Variants in CNTN1 observed in about 807,000 individuals in gnomAD.
The protein encoded by CNTN1 is contactin-1.
Under a neutral mutation model 126.4 loss-of-function variants are expected in CNTN1, and 38 were observed. That is an observed-to-expected ratio of 0.30 (90% CI 0.23 to 0.39). The LOEUF (loss-of-function observed/expected upper bound fraction) is 0.39. CNTN1 is among the 10% of genes least tolerant of loss of function. The pLI is 1.00. For synonymous variants in CNTN1, 413 were observed against 422.6 expected (o/e 0.98, Z 0.28); for missense variants, 1,009 against 1,248.4 (o/e 0.81, Z 2.89).
At chr12:41,010,510 G>T (rs1209712674) in intron 17 of CNTN1, among the ~76,000 whole-genome samples, 1 of 152,012 alleles carries the variant, frequency 6.6e-6, no homozygotes, top group Non-Finnish European at 1.5e-5. Flanking sequence ...CCTCCTCCTG[G>T]TCCCTATTAT....
chr12:40,929,717 C>T, intron 6 of CNTN1, 79 bp from the exon 7 acceptor site: 1 of 1,052,106 alleles, frequency 9.5e-7, no homozygotes, highest in Non-Finnish European at 1.4e-6. Flanking sequence ...TAAGTGATAG[C>T]TTGTTACTAG....
intron 18 of CNTN1, among the ~76,000 whole-genome samples, chr12:41,015,045 T>C (rs772666070): frequency 9.9e-5 from 15 of 152,212 alleles, no homozygotes; most frequent in Non-Finnish European, 2.1e-4. Context: ...CAAAGGATTT[T>C]GAAGACTGTG....
chr12:40,697,864 A>G (rs1941489360), intron 1 of CNTN1, among the ~76,000 whole-genome samples: 1 of 152,208 alleles, frequency 6.6e-6, no homozygotes, highest in Non-Finnish European at 1.5e-5. Context: ...ACAGGGCAGA[A>G]TGCACTATGG....
At chr12:41,030,557 A>G (rs1949126460) in intron 23 of CNTN1, among the ~76,000 whole-genome samples, 1 of 152,138 alleles carries the variant, frequency 6.6e-6, no homozygotes, top group Non-Finnish European at 1.5e-5. Flanking sequence ...ATATAATTTC[A>G]TGTTTCAGCT....
rs1304140380 is a variant in CNTN1 at position 40,737,359 on chromosome 12, G to GTGTATATATA, written c.-77+44768_-77+44769insGTATATATAT. Among the ~76,000 whole-genome samples the GTGTATATATA allele has an allele frequency of 2.8e-3, 313 of 113,262 alleles. 3 individuals carry two copies. The highest frequency in any genetic ancestry group is 9.7e-3 in the African/African-American group (289 of 29,752). The allele number at this position is 113,262 out of a possible 152,430, so 74.3% of individuals were successfully genotyped here. A position where few individuals can be genotyped will look rare whatever the true frequency, so the allele number is the denominator to read the frequency against. ...TGTGTGTGTGTATATATGTGTGTGT[G>GTGTATATATA]TATATATATATATATATATATATGA... is the stretch of plus-strand genomic sequence containing the variant. On this transcript the variant is annotated intron_variant, in intron 1 of 23. Transcript: ENST00000551295.
intron 17 of CNTN1, among the ~76,000 whole-genome samples, chr12:41,012,697 T>C (rs1948690511): frequency 6.6e-6 from 1 of 152,198 alleles, no homozygotes; most frequent in Admixed American, 6.5e-5. Context: ...CCAAGTCTTA[T>C]ATGGCTGGCA....
At chr12:40,921,891 A>G (rs1945455115) in intron 4 of CNTN1, among the ~76,000 whole-genome samples, 1 of 152,190 alleles carries the variant, frequency 6.6e-6, no homozygotes, top group Non-Finnish European at 1.5e-5. Context: ...TGCTTTTAAT[A>G]CTTTATACAG....
At chr12:41,062,907 C>T (rs1949966578) in intron 23 of CNTN1, among the ~76,000 whole-genome samples, 1 of 152,134 alleles carries the variant, frequency 6.6e-6, no homozygotes, top group Admixed American at 6.5e-5. Flanking sequence ...AAACACAATT[C>T]AGTAATTTGC....
chr12:40,806,767 A>G (rs1940874506), intron 1 of CNTN1, among the ~76,000 whole-genome samples: 1 of 152,052 alleles, frequency 6.6e-6, no homozygotes, highest in Non-Finnish European at 1.5e-5. Flanking sequence ...CTAGTGTGGC[A>G]CTTCTTTCTC....
chr12:40,911,580 A>T (rs901993531), intron 3 of CNTN1, among the ~76,000 whole-genome samples: 1 of 152,218 alleles, frequency 6.6e-6, no homozygotes, highest in African/African-American at 2.4e-5. Flanking sequence ...CGAGCACTCA[A>T]CAAAAACTGC....
chr12:40,707,091 C>T (rs1040524638), intron 1 of CNTN1, among the ~76,000 whole-genome samples: 1 of 149,392 alleles, frequency 6.7e-6, no homozygotes, highest in Non-Finnish European at 1.5e-5. Flanking sequence ...CACACACACC[C>T]CTGCTCAGAT....
intron 1 of CNTN1, among the ~76,000 whole-genome samples, chr12:40,703,910 A>C (rs1472262274): frequency 6.6e-6 from 1 of 152,198 alleles, no homozygotes; most frequent in Non-Finnish European, 1.5e-5. Flanking sequence ...AGAGTCTTCT[A>C]AACTAAGTGT....
At chr12:40,995,686 C>G (rs773072671) in intron 17 of CNTN1, among the ~76,000 whole-genome samples, 18 of 152,110 alleles carry the variant, frequency 1.2e-4, no homozygotes, top group Admixed American at 2.6e-4. Flanking sequence ...GCAAACACAC[C>G]TATTCACAGA....
intron 1 of CNTN1, among the ~76,000 whole-genome samples, chr12:40,837,764 T>A (rs907760762): frequency 1.3e-5 from 2 of 152,110 alleles, no homozygotes; most frequent in African/African-American, 4.8e-5. Context: ...TAGCGGCCAC[T>A]GCCAGGAAGC....
At chr12:40,819,139 C>T (rs1337002927) in intron 1 of CNTN1, among the ~76,000 whole-genome samples, 2 of 152,108 alleles carry the variant, frequency 1.3e-5, no homozygotes, top group East Asian at 1.9e-4. Flanking sequence ...CTGACAACCC[C>T]GGTTGGAGGG....
intron 15 of CNTN1, chr12:40,971,469 G>A: frequency 6.3e-7 from 1 of 1,596,742 alleles, no homozygotes. Flanking sequence ...AAACATGGTG[G>A]ATTCCTTTCT....
chr12:40,826,877 G>T (rs1016858720), intron 1 of CNTN1, among the ~76,000 whole-genome samples: 1 of 152,146 alleles, frequency 6.6e-6, no homozygotes, highest in African/African-American at 2.4e-5. Flanking sequence ...GTGTGTGTGT[G>T]CATGTATGTG....
intron 17 of CNTN1, among the ~76,000 whole-genome samples, chr12:41,004,660 G>A (rs1188939651): frequency 1.3e-5 from 2 of 152,076 alleles, no homozygotes; most frequent in African/African-American, 4.8e-5. Flanking sequence ...AGATTTTCTT[G>A]TTGAATTGAA....
At chr12:40,911,384 AAGGCACTTCT>A (rs1445506891) in intron 3 of CNTN1, among the ~76,000 whole-genome samples, 1 of 152,114 alleles carries the variant, frequency 6.6e-6, no homozygotes, top group Non-Finnish European at 1.5e-5. Flanking sequence ...CCGGCCGCAA[AAGGCACTTCT>A]TACATGGCCG....
Sources: allele counts gnomAD v4.1 joint callset (sites outside exome capture counted in the v4.1 genomes callset), GRCh38; gene constraint gnomAD v4.1.1; transcripts MANE v1.5; gene names NCBI Gene and HGNC (gene_info 2026-07-23, HGNC 2026-07-21).